Variants in METTL24 observed in about 807,000 individuals in gnomAD.
METTL24 encodes methyltransferase like 24.
METTL24 carries 29 observed loss-of-function variants against 32.7 expected under a neutral mutation model. The ratio of observed to expected loss-of-function variants is 0.89; its 90% CI spans 0.66 to 1.21. The LOEUF (loss-of-function observed/expected upper bound fraction) is 1.21, where lower values mean the gene tolerates loss of function less well. METTL24 is among the 50% of genes most tolerant of loss of function. The probability of loss-of-function intolerance (pLI) is 0.00; values close to 1 mark genes in which losing one functional copy is unlikely to be tolerated. For synonymous variants in METTL24, 163 were observed against 179.5 expected, an observed-to-expected ratio of 0.91 and a Z score of 0.73; for missense variants, 439 against 468.1, an observed-to-expected ratio of 0.94 and a Z score of 0.57.
intron 2 of METTL24, among the ~76,000 whole-genome samples, chr6:110,322,275 C>A (rs2114753992): frequency 6.6e-6 from 1 of 152,300 alleles, no homozygotes; most frequent in African/African-American, 2.4e-5. Flanking sequence ...GATAGAGAGC[C>A]TTTGGATTCA....
chr6:110,283,608 C>G (rs1053564249), intron 4 of METTL24, among the ~76,000 whole-genome samples: 4 of 152,102 alleles, frequency 2.6e-5, no homozygotes, highest in Non-Finnish European at 4.4e-5. Context: ...ATATGGGAAC[C>G]GATGACAGCT....
chr6:110,292,066 T>A (rs1771330723), intron 4 of METTL24, among the ~76,000 whole-genome samples: 1 of 152,228 alleles, frequency 6.6e-6, no homozygotes, highest in African/African-American at 2.4e-5. Flanking sequence ...TAAAAATTTG[T>A]TTGTCGTTTT....
intron 1 of METTL24, among the ~76,000 whole-genome samples, chr6:110,347,525 T>C (rs1772501375): frequency 6.6e-6 from 1 of 152,210 alleles, no homozygotes; most frequent in Non-Finnish European, 1.5e-5. Context: ...TATAATAATA[T>C]GCACTTAATT....
intron 1 of METTL24, among the ~76,000 whole-genome samples, chr6:110,350,345 A>G (rs1772569822): frequency 6.6e-6 from 1 of 152,118 alleles, no homozygotes; most frequent in Non-Finnish European, 1.5e-5. Flanking sequence ...GAGGGTTTCA[A>G]TCAGTCCCTG....
At chr6:110,281,868 G>T (rs1257845704) in intron 4 of METTL24, among the ~76,000 whole-genome samples, 3 of 152,076 alleles carry the variant, frequency 2.0e-5, no homozygotes, top group African/African-American at 7.2e-5. Context: ...GAAATACAAT[G>T]ACATAAGGCA....
chr6:110,282,058 G>A (rs1342553467), intron 4 of METTL24, among the ~76,000 whole-genome samples: 1 of 152,146 alleles, frequency 6.6e-6, no homozygotes, highest in Non-Finnish European at 1.5e-5. Flanking sequence ...AATGCCATGA[G>A]GCAGGTGGAC....
intron 4 of METTL24, among the ~76,000 whole-genome samples, chr6:110,259,086 G>T (rs1778439898): frequency 6.6e-6 from 1 of 152,152 alleles, no homozygotes; most frequent in South Asian, 2.1e-4. Context: ...GAGCTACCGG[G>T]TTCATCTCAC....
intron 4 of METTL24, among the ~76,000 whole-genome samples, chr6:110,282,584 G>GT (rs1258974192): frequency 1.3e-5 from 2 of 152,118 alleles, no homozygotes; most frequent in African/African-American, 2.4e-5. Context: ...CAGGTCTTGG[G>GT]TTGAGAGCCA....
At chr6:110,258,580 G>A (rs994880212) in intron 4 of METTL24, among the ~76,000 whole-genome samples, 5 of 152,082 alleles carry the variant, frequency 3.3e-5, no homozygotes, top group African/African-American at 1.2e-4. Flanking sequence ...GTAGATAGGT[G>A]GATGGGTGGA....
At chr6:110,264,975 G>A (rs1188715678) in intron 4 of METTL24, among the ~76,000 whole-genome samples, 3 of 151,988 alleles carry the variant, frequency 2.0e-5, no homozygotes, top group African/African-American at 4.8e-5. Flanking sequence ...CCTGTTGTGG[G>A]GTGGGGGTAG....
intron 1 of METTL24, among the ~76,000 whole-genome samples, chr6:110,351,496 T>A (rs1402745002): frequency 6.6e-6 from 1 of 152,164 alleles, no homozygotes; most frequent in Non-Finnish European, 1.5e-5. Flanking sequence ...CTAGGATTAG[T>A]AAAACCAAAG....
chr6:110,327,007 G>A (rs1772028537), intron 1 of METTL24, among the ~76,000 whole-genome samples: 1 of 152,186 alleles, frequency 6.6e-6, no homozygotes, highest in South Asian at 2.1e-4. Flanking sequence ...GTGGGCATTT[G>A]TGCCACATGC....
At chr6:110,354,123 A>G (rs957403474) in intron 1 of METTL24, among the ~76,000 whole-genome samples, 5 of 152,228 alleles carry the variant, frequency 3.3e-5, no homozygotes, top group Admixed American at 2.6e-4. Context: ...CAAAAAGGGC[A>G]GTATTTATCC....
chr6:110,329,458 A>G (rs1314646579), intron 1 of METTL24, among the ~76,000 whole-genome samples: 2 of 143,638 alleles, frequency 1.4e-5, no homozygotes, highest in African/African-American at 5.1e-5. Context: ...GTTAGTGGGC[A>G]GGAAACAATG....
intron 1 of METTL24, among the ~76,000 whole-genome samples, chr6:110,338,270 G>A (rs578009361): frequency 6.6e-6 from 1 of 152,334 alleles, no homozygotes; most frequent in East Asian, 1.9e-4. Context: ...GCTGAGGTGG[G>A]TGGATCACCT....
At chr6:110,354,953 A>G (rs1772676355) in intron 1 of METTL24, among the ~76,000 whole-genome samples, 1 of 152,248 alleles carries the variant, frequency 6.6e-6, no homozygotes. Flanking sequence ...TTTATTTCTT[A>G]TAAATTTTTA....
chr6:110,317,404 G>C (rs1194476659), intron 2 of METTL24, among the ~76,000 whole-genome samples: 1 of 152,152 alleles, frequency 6.6e-6, no homozygotes, highest in Admixed American at 6.5e-5. Flanking sequence ...AAGAGAAGTT[G>C]CTAATCTAGT....
intron 3 of METTL24, among the ~76,000 whole-genome samples, chr6:110,307,418 G>A (rs1229074609): frequency 6.6e-6 from 1 of 152,182 alleles, no homozygotes; most frequent in African/African-American, 2.4e-5. Flanking sequence ...TTGCTTGAAA[G>A]AAATATTTTA....
chr6:110,306,156 G>A (rs1277751998), intron 3 of METTL24, among the ~76,000 whole-genome samples: 1 of 151,824 alleles, frequency 6.6e-6, no homozygotes, highest in African/African-American at 2.4e-5. Flanking sequence ...GGGCCTGTTG[G>A]GGGGTGGGGG....
Sources: allele counts gnomAD v4.1 joint callset (sites outside exome capture counted in the v4.1 genomes callset), GRCh38; gene constraint gnomAD v4.1.1; transcripts MANE v1.5; gene names NCBI Gene and HGNC (gene_info 2026-07-23, HGNC 2026-07-21).